PADI6: variants seen among roughly 807,000 people sequenced by gnomAD.
PADI6 encodes the protein inactive protein-arginine deiminase type-6.
PADI6 carries 66 observed loss-of-function variants against 78.2 expected under a neutral mutation model. The ratio of observed to expected loss-of-function variants is 0.84; its 90% confidence interval spans 0.69 to 1.04. PADI6 has a LOEUF of 1.04. PADI6 is among the 50% of genes least tolerant of loss of function. The pLI, the probability that PADI6 is intolerant of heterozygous loss-of-function variation, is 0.00. For synonymous variants in PADI6, 397 were observed against 346.9 expected, an observed-to-expected ratio of 1.14 and a Z score of -1.60; for missense variants, 854 against 866.1, an observed-to-expected ratio of 0.99 and a Z score of 0.18.
intron 3 of PADI6, among the ~76,000 whole-genome samples, chr1:17,377,972 C>T (rs1384792037): frequency 6.6e-6 from 1 of 152,214 alleles, no homozygotes; most frequent in Non-Finnish European, 1.5e-5. Context: ...CTGCCTCTGT[C>T]TTTACCGCTT....
At chr1:17,377,938 C>T (rs377529583) in intron 3 of PADI6, among the ~76,000 whole-genome samples, 3 of 152,270 alleles carry the variant, frequency 2.0e-5, no homozygotes, top group Admixed American at 6.5e-5. Context: ...TCGCTGCCCA[C>T]GAAACTACAC....
In PADI6 at chr1:17,388,770, G is replaced by T. The variant is rs1041170448; in HGVS notation, c.859-7G>T. 3 of 1,612,030 alleles carry T rather than the reference G, an allele frequency of 1.9e-6. No homozygotes were observed. Among genetic ancestry groups the T allele is most frequent in the African/African-American group, 1.3e-5 (1 of 74,902 alleles). On this transcript the variant is annotated splice_polypyrimidine_tract_variant and splice_region_variant and intron_variant, in intron 7 of 15. Coordinates refer to ENST00000619609, the MANE Select transcript of PADI6 (RefSeq NM_207421.4). Reference sequence around the variant, plus strand: ...CAGGTTGCTAACAGGACCTTGTCTTGTTGCAGTCAATTCCAGAGACTGTGC... The same window carrying T: ...CAGGTTGCTAACAGGACCTTGTCTTTTTGCAGTCAATTCCAGAGACTGTGC...
intron 12 of PADI6, 79 bp downstream of exon 12, chr1:17,395,186 CTG>C: frequency 6.8e-7 from 1 of 1,465,866 alleles, no homozygotes; most frequent in Non-Finnish European, 9.1e-7. Flanking sequence ...GGAGAGAAAA[CTG>C]GCTTTTTCTT....
chr1:17,397,233 A>T (rs1457994310), intron 14 of PADI6, 92 bp downstream of exon 14: 2 of 1,390,326 alleles, frequency 1.4e-6, no homozygotes, highest in Non-Finnish European at 2.0e-6. Flanking sequence ...TGAGGGGTGA[A>T]GTGTTGGGCG....
Position 17,382,012 on chromosome 1 carries a change from G to C in PADI6, c.599G>C (p.Ser200Thr). ...SQMTLNVQGPSCILKKYRLVL... is the reference protein window; with the variant it reads ...SQMTLNVQGPTCILKKYRLVL... ...ATGACTCTGAATGTCCAAGGCCCCA[G>C]CTGTATCTTAAAGAAATATCGGCTA... The change falls in exon 6 of 16, where the codon AGC (serine) becomes ACC (threonine). Residue 200 changes from serine to threonine, a missense_variant. By Grantham distance (58) the Ser-to-Thr change is moderately conservative. Coordinates refer to ENST00000619609, the MANE Select transcript of PADI6 (RefSeq NM_207421.4). The C allele has an allele frequency of 1.2e-6, 2 of 1,613,960 alleles. No individual in the cohort carries two copies. Among genetic ancestry groups the C allele is most frequent in the Non-Finnish European group, 1.7e-6 (2 of 1,179,838 alleles).
At chr1:17,398,493 C>G (rs1334406423) in intron 14 of PADI6, among the ~76,000 whole-genome samples, 193 bp from the exon 15 acceptor site, 4 of 152,132 alleles carry the variant, frequency 2.6e-5, no homozygotes, top group Non-Finnish European at 5.9e-5. Context: ...CCCCTACTTC[C>G]CCATGTGAAA....
At position 17,388,389 on chromosome 1, in the gene PADI6, T is replaced by G. The variant is rs1416307854; in HGVS notation, c.688T>G (p.Ser230Ala). The G allele has an allele frequency of 4.3e-6, 7 of 1,612,102 alleles. No homozygotes were observed. The highest frequency in any genetic ancestry group is 5.9e-6 in the Non-Finnish European group (7 of 1,179,134). ...ARVYWPQKDN[S>A]STFELVLGPD... ...CCTTCTTTCTCTCCTAGAAGACAAC[T>G]CCAGTACCTTTGAGTTGGTGCTGGG... The change falls in exon 7 of 16, where the codon TCC (serine) becomes GCC (alanine). Residue 230 changes from serine to alanine, a missense_variant. By Grantham distance (99) the Ser-to-Ala change is moderately conservative. Transcript: ENST00000619609.
intron 6 of PADI6, 86 bp from the exon 7 acceptor site, chr1:17,388,295 T>C (rs749446125): frequency 3.2e-6 from 4 of 1,262,206 alleles, no homozygotes; most frequent in African/African-American, 3.0e-5. Context: ...GCATCTGATA[T>C]GAGGAATGAG....
intron 9 of PADI6, among the ~76,000 whole-genome samples, chr1:17,392,643 C>T (rs967775965): frequency 1.1e-4 from 16 of 152,216 alleles, no homozygotes; most frequent in African/African-American, 3.9e-4. Context: ...ATGCTAGGCA[C>T]GCCATCCTGA....
At chr1:17,393,101 A>T (rs1275855842) in intron 9 of PADI6, among the ~76,000 whole-genome samples, 1 of 152,050 alleles carries the variant, frequency 6.6e-6, no homozygotes, top group Non-Finnish European at 1.5e-5. Flanking sequence ...CACCTAGATC[A>T]CGCCACTACA....
intron 8 of PADI6, among the ~76,000 whole-genome samples, chr1:17,389,352 T>C (rs1557604195): frequency 6.6e-6 from 1 of 152,154 alleles, no homozygotes; most frequent in Admixed American, 6.5e-5. Flanking sequence ...TTCTGTCACC[T>C]GGATGCCTGC....
chr1:17,386,300 G>A (rs746094237), intron 6 of PADI6, among the ~76,000 whole-genome samples: 1 of 152,206 alleles, frequency 6.6e-6, no homozygotes, highest in African/African-American at 2.4e-5. Flanking sequence ...TGAAATGTTA[G>A]CTATGCTTCA....
Position 17,373,168 on chromosome 1 carries a change from CT to C in PADI6, c.230del (p.Leu77ArgfsTer9). 6.2e-7 allele frequency: 1 copy of C among 1,613,982 alleles called. No individual in the cohort carries two copies. Among genetic ancestry groups the C allele is most frequent in the Non-Finnish European group, 8.5e-7 (1 of 1,179,870 alleles). On this transcript the variant is annotated frameshift_variant, in exon 2 of 16. Transcript: ENST00000619609. LOFTEE classifies it high-confidence loss of function. ...EKEDATIWWPLSDPTYATVKM... is the reference protein window; with the variant it reads ...EKEDATIWWPXSDPTYATVKM... ...GGAGGACGCCACCATCTGGTGGCCCCTGTCTGATCCCACGTACGCCACAGTG... is the reference window on the plus strand; with the variant it reads ...GGAGGACGCCACCATCTGGTGGCCCCGTCTGATCCCACGTACGCCACAGTG...
At chr1:17,375,975 C>CTTTTTTTTTTTTTTTTTTTTTTTTTTTT (rs575076756) in intron 3 of PADI6, among the ~76,000 whole-genome samples, 1 of 150,346 alleles carries the variant, frequency 6.7e-6, no homozygotes, top group African/African-American at 2.5e-5. Flanking sequence ...ATAACATCTA[C>CTTTTTTTTTTTTTTTTTTTTTTTTTTTT]TTTTTTTTTC....
intron 4 of PADI6, 121 bp downstream of exon 4, chr1:17,380,108 G>A: frequency 6.5e-6 from 6 of 929,390 alleles, no homozygotes; most frequent in Non-Finnish European, 5.0e-6. Context: ...TGAAGGATTA[G>A]ATACGTGGAG....
intron 3 of PADI6, among the ~76,000 whole-genome samples, chr1:17,377,146 ATTT>A (rs945085128): frequency 6.8e-6 from 1 of 146,986 alleles, no homozygotes; most frequent in African/African-American, 2.7e-5. Context: ...AGCTGACTTT[ATTT>A]TTTTATTTTA....
chr1:17,376,361 G>A (rs758890661), intron 3 of PADI6, among the ~76,000 whole-genome samples: 12 of 150,786 alleles, frequency 8.0e-5, no homozygotes, highest in East Asian at 4.0e-4. Flanking sequence ...GTGCAGTGGC[G>A]CGATCTTGGC....
At chr1:17,389,204 C>T (rs952882081) in intron 8 of PADI6, among the ~76,000 whole-genome samples, 6 of 152,162 alleles carry the variant, frequency 3.9e-5, no homozygotes, top group African/African-American at 1.4e-4. Flanking sequence ...CGATGAAGCT[C>T]CTACGGAGCC....
intron 14 of PADI6, among the ~76,000 whole-genome samples, chr1:17,398,033 AT>A (rs1280424112): frequency 1.3e-5 from 2 of 152,222 alleles, no homozygotes; most frequent in Non-Finnish European, 2.9e-5. Context: ...ATCATTGGCT[AT>A]AAGAAGCAGA....
Sources: gnomAD v4.1 joint callset for allele counts (sites outside exome capture counted in the v4.1 genomes callset) on GRCh38, gnomAD v4.1.1 for gene constraint, MANE v1.5 for transcripts, NCBI Gene and HGNC (gene_info 2026-07-23, HGNC 2026-07-21) for gene names.